The following SAR1B variants were observed in gnomAD, a reference collection of about 807,000 sequenced individuals.
SAR1B encodes small COPII coat GTPase SAR1B.
SAR1B carries 23 observed loss-of-function variants against 26.8 expected under a neutral mutation model. The ratio of observed to expected loss-of-function variants is 0.86; its 90% CI spans 0.62 to 1.22. The LOEUF (loss-of-function observed/expected upper bound fraction) is 1.22. Ranked by LOEUF, SAR1B falls within the 50% of genes most tolerant of loss-of-function variation. The pLI, the probability that SAR1B is intolerant of heterozygous loss-of-function variation, is 0.00. For synonymous variants in SAR1B, 65 were observed against 80.8 expected, an observed-to-expected ratio of 0.80 and a Z score of 1.05; for missense variants, 196 against 232.8, an observed-to-expected ratio of 0.84 and a Z score of 1.03.
chr5:134,601,889 C>T lies in SAR1B; in HGVS notation c.*5061G>A, dbSNP rs1211512353. 1 of 152,154 alleles carries T rather than the reference C, an allele frequency of 6.6e-6. No homozygotes were observed. Among genetic ancestry groups the T allele is most frequent in the Non-Finnish European group, 1.5e-5 (1 of 68,042 alleles). 9.4% of individuals were successfully genotyped at this position (152,154 alleles called of 1,614,324 possible). A position where few individuals can be genotyped will look rare whatever the true frequency, so the allele number is the denominator to read the frequency against. On this transcript the variant is annotated 3_prime_UTR_variant, in exon 7 of 7. Coordinates refer to ENST00000402673, the MANE Select transcript of SAR1B (RefSeq NM_016103.4). Reference sequence around the variant, plus strand: ...TGAAACCCTGTCTCTACTAACAATACAAATATTAGCCAGCTGTGGTGGCGC... The same window carrying T: ...TGAAACCCTGTCTCTACTAACAATATAAATATTAGCCAGCTGTGGTGGCGC...
chr5:134,616,238 A>C (rs1765314775), intron 3 of SAR1B, among the ~76,000 whole-genome samples: 1 of 151,896 alleles, frequency 6.6e-6, no homozygotes, highest in South Asian at 2.1e-4. Context: ...GGAGTTCGAG[A>C]CCATCCTGGC....
chr5:134,608,564 T>C, intron 5 of SAR1B, 61 bp from the exon 6 acceptor site: 1 of 1,548,762 alleles, frequency 6.5e-7, no homozygotes, highest in African/African-American at 1.4e-5. Context: ...AGAGCTTATT[T>C]TGATATGATA....
rs1765629999 is a variant in SAR1B, at chr5:134,632,727, C to T, written c.-19+1G>A. 6.6e-6 allele frequency: 1 copy of T among 152,514 alleles called. No homozygotes were observed. The highest frequency in any genetic ancestry group is 1.5e-5 in the Non-Finnish European group (1 of 68,268). The allele number at this position is 152,514 out of a possible 1,614,324, so 9.4% of individuals were successfully genotyped here. A position where few individuals can be genotyped will look rare whatever the true frequency, so the allele number is the denominator to read the frequency against. Reference sequence around the variant, plus strand: ...TCCCAGAAGGAGGGGCTGTCACTCACCTGCGACTGGAGGGAACGCAATCCC... The same window carrying T: ...TCCCAGAAGGAGGGGCTGTCACTCATCTGCGACTGGAGGGAACGCAATCCC... On this transcript the variant is annotated splice_donor_variant, in intron 1 of 6. Transcript: ENST00000402673. LOFTEE classifies it low-confidence loss of function (5UTR_SPLICE).
At chr5:134,610,411 C>T (rs1292743655) in intron 4 of SAR1B, among the ~76,000 whole-genome samples, 1 of 151,802 alleles carries the variant, frequency 6.6e-6, no homozygotes, top group Non-Finnish European at 1.5e-5. Context: ...GAGTTGGAGA[C>T]CAACCTGGCC....
Position 134,628,328 on chromosome 5 carries a change from TA to T in SAR1B, c.-18-4292del, listed in dbSNP as rs61707884. Among the ~76,000 whole-genome samples, 616 of 139,666 alleles carry T rather than the reference TA, an allele frequency of 4.4e-3. 3 individuals are homozygous for T. The highest frequency in any genetic ancestry group is 0.011 in the African/African-American group (411 of 37,952). 91.6% of individuals were successfully genotyped at this position (139,666 alleles called of 152,430 possible). A position where few individuals can be genotyped will look rare whatever the true frequency, so the allele number is the denominator to read the frequency against. ...TACACATTAGTTCTCAGGGGTCCTGTAAAAAAAAAAAATACACATAAGATGA... is the reference window on the plus strand; with the variant it reads ...TACACATTAGTTCTCAGGGGTCCTGTAAAAAAAAAAATACACATAAGATGA... On this transcript the variant is annotated intron_variant, in intron 1 of 6. Coordinates refer to ENST00000402673, the MANE Select transcript of SAR1B (RefSeq NM_016103.4).
At chr5:134,626,693 C>G (rs1026021876) in intron 1 of SAR1B, among the ~76,000 whole-genome samples, 5 of 152,280 alleles carry the variant, frequency 3.3e-5, no homozygotes, top group African/African-American at 1.2e-4. Flanking sequence ...CTTCTTAAAG[C>G]CTTGTTCCAT....
At chr5:134,615,582 G>C (rs541594244) in intron 3 of SAR1B, among the ~76,000 whole-genome samples, 1 of 151,812 alleles carries the variant, frequency 6.6e-6, no homozygotes. Flanking sequence ...TTGGGAGGCT[G>C]AGGCGGGTGG....
chr5:134,622,213 T>C (rs892749709), intron 2 of SAR1B, among the ~76,000 whole-genome samples: 1 of 152,194 alleles, frequency 6.6e-6, no homozygotes, highest in Non-Finnish European at 1.5e-5. Context: ...AAGTAAATTG[T>C]TTGATGTCCT....
At chr5:134,608,963 C>T in intron 5 of SAR1B, 1 of 397,190 alleles carries the variant, frequency 2.5e-6, no homozygotes, top group Non-Finnish European at 5.0e-6. Flanking sequence ...TGTTTTGTAA[C>T]CATAGAACCT....
At chr5:134,624,871 G>A (rs1580655895) in intron 1 of SAR1B, among the ~76,000 whole-genome samples, 1 of 151,954 alleles carries the variant, frequency 6.6e-6, no homozygotes, top group East Asian at 1.9e-4. Flanking sequence ...CAAGTGATTC[G>A]CCTGCCTCAG....
rs1179712839 is a variant in SAR1B at position 134,623,904 on chromosome 5, A to C, written c.58+58T>G. The stretch of plus-strand genomic sequence containing the variant: ...ATAAAGAGACTTGACACAGATAAGC[A>C]CTATTAAATAAATAAGACCAAAGGG... On this transcript the variant is annotated intron_variant, in intron 2 of 6. Transcript: ENST00000402673. The C allele has an allele frequency of 5.4e-6, 6 of 1,104,644 alleles. No individual in the cohort carries two copies. The East Asian group carries it at 1.4e-4, about 26-fold the overall frequency. The allele number at this position is 1,104,644 out of a possible 1,614,324, so 68.4% of individuals were successfully genotyped here.
intron 1 of SAR1B, chr5:134,631,574 T>C (rs766926347): frequency 4.6e-5 from 7 of 152,210 alleles, no homozygotes; most frequent in Non-Finnish European, 8.8e-5. Context: ...CACTTAGTAA[T>C]ATAGAGGCTG....
intron 1 of SAR1B, among the ~76,000 whole-genome samples, chr5:134,629,324 C>T (rs184713563): frequency 0.015 from 2,251 of 151,858 alleles, 71 homozygotes; most frequent in Admixed American, 0.078. Flanking sequence ...TTTGGGAGGC[C>T]GAGGTGGGGG....
At chr5:134,618,853 C>T (rs1204704083) in intron 3 of SAR1B, among the ~76,000 whole-genome samples, 3 of 151,686 alleles carry the variant, frequency 2.0e-5, no homozygotes, top group Non-Finnish European at 4.4e-5. Flanking sequence ...CAAAAATTAG[C>T]TGGGCTTGGT....
intron 6 of SAR1B, among the ~76,000 whole-genome samples, chr5:134,607,543 C>A (rs903740180): frequency 6.6e-6 from 1 of 151,908 alleles, no homozygotes; most frequent in Non-Finnish European, 1.5e-5. Flanking sequence ...GAGGCCAAGG[C>A]GGGCGGATCA....
intron 3 of SAR1B, among the ~76,000 whole-genome samples, chr5:134,615,347 CAA>C (rs1169325540): frequency 1.7e-4 from 15 of 87,694 alleles, no homozygotes; most frequent in Admixed American, 2.4e-4. Flanking sequence ...GACTCCATCT[CAA>C]AAAAAAAAAA....
chr5:134,622,442 G>C (rs1302713580), intron 2 of SAR1B, among the ~76,000 whole-genome samples: 18 of 136,774 alleles, frequency 1.3e-4, no homozygotes, highest in Admixed American at 6.4e-4. Context: ...ACGGAGTCTC[G>C]CTCTGTCACC....
Position 134,603,868 on chromosome 5 carries a change from A to G in SAR1B, c.*3082T>C, listed in dbSNP as rs1765087269. On this transcript the variant is annotated 3_prime_UTR_variant, in exon 7 of 7. Coordinates refer to ENST00000402673, the MANE Select transcript of SAR1B (RefSeq NM_016103.4). ...GAGCCGGTTGAAAACTAAGAAAGAA[A>G]CAACGTTCTGCTTTTATGCTATAAA... 1 of 152,326 alleles carries G rather than the reference A, an allele frequency of 6.6e-6. No homozygotes were observed. The highest frequency in any genetic ancestry group is 2.1e-4 in the South Asian group (1 of 4,826). 9.4% of individuals were successfully genotyped at this position (152,326 alleles called of 1,614,324 possible). A position where few individuals can be genotyped will look rare whatever the true frequency, so the allele number is the denominator to read the frequency against.
At position 134,603,234 on chromosome 5, in the gene SAR1B, T is replaced by TA. The variant is rs1309571004; in HGVS notation, c.*3715_*3716insT. ...ACTTGGCAATAAATCCTTGCAAACG[T>TA]CAGTCATGTAAGTGACTAACAAGAC... On this transcript the variant is annotated 3_prime_UTR_variant, in exon 7 of 7. Transcript: ENST00000402673. The TA allele has an allele frequency of 1.5e-4, 23 of 152,322 alleles. No homozygotes were observed. Among genetic ancestry groups the TA allele is most frequent in the African/African-American group, 5.5e-4 (23 of 41,576 alleles). The allele number at this position is 152,322 out of a possible 1,614,324, so 9.4% of individuals were successfully genotyped here.
Sources: gnomAD v4.1 joint callset for allele counts (sites outside exome capture counted in the v4.1 genomes callset) on GRCh38, gnomAD v4.1.1 for gene constraint, MANE v1.5 for transcripts, NCBI Gene and HGNC (gene_info 2026-07-23, HGNC 2026-07-21) for gene names.